IBTK: variants seen among roughly 807,000 people sequenced by gnomAD.
The protein encoded by IBTK is inhibitor of Bruton tyrosine kinase, also known as BTK-binding protein.
Under a neutral mutation model 154.9 loss-of-function variants are expected in IBTK, and 83 were observed. That is an observed-to-expected ratio of 0.54 (90% CI 0.45 to 0.64). The LOEUF is 0.64. Among genes scored for constraint, IBTK ranks in the 30% least tolerant of loss-of-function variants. IBTK has a pLI of 0.00. For synonymous variants in IBTK, 515 were observed against 536.1 expected (o/e 0.96, Z 0.54); for missense variants, 1,332 against 1,584.6 (o/e 0.84, Z 2.71).
At chr6:82,213,424 T>C (rs560850371) in intron 12 of IBTK, among the ~76,000 whole-genome samples, 1 of 152,182 alleles carries the variant, frequency 6.6e-6, no homozygotes, top group East Asian at 1.9e-4. Flanking sequence ...ATAAATACCT[T>C]AAAAAAAGAA....
rs545917887 is a variant in IBTK at position 82,177,210 on chromosome 6, T to C, written c.3726-3772A>G. ...ATTTCTTTTTGTTTTGTTGTTGTTG[T>C]TGTTGTTGTTGTTTTTGGAGACAGA... is the stretch of plus-strand genomic sequence containing the variant. On this transcript the variant is annotated intron_variant, in intron 26 of 28. Transcript: ENST00000306270. Among the ~76,000 whole-genome samples, 5 of 152,004 alleles carry C rather than the reference T, an allele frequency of 3.3e-5. No homozygotes were observed. The South Asian group carries it at 1.0e-3, about 32-fold the overall frequency.
intron 1 of IBTK, among the ~76,000 whole-genome samples, chr6:82,245,065 T>A (rs1771094460): frequency 6.6e-6 from 1 of 152,178 alleles, no homozygotes. Flanking sequence ...AAACTTATGA[T>A]CTATTACACA....
intron 12 of IBTK, among the ~76,000 whole-genome samples, chr6:82,213,208 T>A (rs1456089749): frequency 6.6e-6 from 1 of 152,102 alleles, no homozygotes; most frequent in Non-Finnish European, 1.5e-5. Flanking sequence ...TTGTAATTTT[T>A]TGTAGAGACA....
intron 25 of IBTK, among the ~76,000 whole-genome samples, chr6:82,190,321 T>G (rs1458413585): frequency 6.6e-6 from 1 of 151,504 alleles, no homozygotes; most frequent in African/African-American, 2.4e-5. Context: ...AAACCATGGG[T>G]AGCTGCCAAG....
At position 82,217,996 on chromosome 6, in the gene IBTK, A is replaced by G. The variant is rs1222062718; in HGVS notation, c.1390T>C (p.Trp464Arg). The G allele has an allele frequency of 3.1e-6, 5 of 1,607,568 alleles. No individual in the cohort carries two copies. The highest frequency in any genetic ancestry group is 1.3e-5 in the African/African-American group (1 of 74,470). ...TQDGEGFRGRWFEEKRKSSEK... is the reference protein window; with the variant it reads ...TQDGEGFRGRRFEEKRKSSEK... ...GAACTCTTTCTTTTCTCTTCAAACC[A>G]TCTCCCTCTAAATCCTTCTCCATCT... Residue 464 changes from tryptophan to arginine, a missense_variant, in exon 10 of 29, where the codon TGG becomes CGG. Transcript: ENST00000306270.
chr6:82,194,416 A>T (rs1768902337), intron 23 of IBTK, 63 bp downstream of exon 23: 1 of 1,071,910 alleles, frequency 9.3e-7, no homozygotes, highest in South Asian at 3.0e-5. Context: ...AAAAAATTAA[A>T]TTGCATTAAA....
At chr6:82,243,452 C>A (rs1200575175) in intron 1 of IBTK, among the ~76,000 whole-genome samples, 1 of 152,164 alleles carries the variant, frequency 6.6e-6, no homozygotes, top group Non-Finnish European at 1.5e-5. Context: ...GCATACTATT[C>A]TGAGCAGTAT....
At chr6:82,245,827 T>C (rs774167268) in intron 1 of IBTK, among the ~76,000 whole-genome samples, 2 of 151,584 alleles carry the variant, frequency 1.3e-5, no homozygotes, top group Admixed American at 6.6e-5. Context: ...TGACAAGATG[T>C]GGTGGTAATT....
At position 82,240,366 on chromosome 6, in the gene IBTK, A is replaced by C; in HGVS notation, c.121T>G (p.Cys41Gly). The stretch of plus-strand genomic sequence containing the variant: ...TCCTTGATAGTTGCAGCATTGTAAC[A>C]ATGACTGGAGAGAAAGGCCTTAATC... ...NQIKAFLSSH[C>G]YNAATIKDVF... Residue 41 changes from cysteine to glycine, a missense_variant, in exon 2 of 29, where the codon TGT becomes GGT. Cys to Gly is a radical substitution (Grantham distance 159, BLOSUM62 -3). Coordinates refer to ENST00000306270, the MANE Select transcript of IBTK (RefSeq NM_015525.4). The C allele has an allele frequency of 1.9e-6, 3 of 1,614,194 alleles. No homozygotes were observed. The highest frequency in any genetic ancestry group is 2.5e-6 in the Non-Finnish European group (3 of 1,180,026).
chr6:82,242,964 G>A (rs187430111), intron 1 of IBTK, among the ~76,000 whole-genome samples: 7 of 151,438 alleles, frequency 4.6e-5, no homozygotes, highest in South Asian at 2.1e-4. Flanking sequence ...AACAAAAGAC[G>A]GGCACGGTGG....
At position 82,210,774 on chromosome 6, in the gene IBTK, A is replaced by G. The variant is rs1407558169; in HGVS notation, c.2509+40T>C. On this transcript the variant is annotated intron_variant, in intron 16 of 28. Transcript: ENST00000306270. ...ACGTTGATTTTACCATTATTCCATT[A>G]TATGTGAAGTATCTACAATGTCCTA... is the stretch of plus-strand genomic sequence containing the variant. 4 of 815,538 alleles carry G rather than the reference A, an allele frequency of 4.9e-6. No homozygotes were observed. In the South Asian group the frequency reaches 7.7e-5, roughly 16 times the overall value. The allele number at this position is 815,538 out of a possible 1,614,324, so 50.5% of individuals were successfully genotyped here. A position where few individuals can be genotyped will look rare whatever the true frequency, so the allele number is the denominator to read the frequency against.
chr6:82,244,396 C>G (rs934243641), intron 1 of IBTK, among the ~76,000 whole-genome samples: 2 of 152,168 alleles, frequency 1.3e-5, no homozygotes, highest in African/African-American at 4.8e-5. Flanking sequence ...GCTTTTATGT[C>G]TTTAAAACCT....
chr6:82,192,676 G>A (rs1444957149), intron 23 of IBTK, among the ~76,000 whole-genome samples: 1 of 151,290 alleles, frequency 6.6e-6, no homozygotes, highest in Non-Finnish European at 1.5e-5. Context: ...GAACCTGGGA[G>A]GCAGAGGTTG....
intron 18 of IBTK, 49 bp downstream of exon 18, chr6:82,202,479 A>G (rs1199095775): frequency 2.1e-6 from 2 of 958,214 alleles, no homozygotes; most frequent in East Asian, 2.4e-5. Flanking sequence ...GCTATTATAT[A>G]TAAATATCTC....
intron 6 of IBTK, among the ~76,000 whole-genome samples, chr6:82,224,988 T>TA (rs1181311401): frequency 6.6e-6 from 1 of 152,062 alleles, no homozygotes; most frequent in Non-Finnish European, 1.5e-5. Flanking sequence ...GTACTATGCT[T>TA]AATTTCTCCT....
intron 16 of IBTK, among the ~76,000 whole-genome samples, chr6:82,207,952 G>A (rs1193488307): frequency 1.3e-5 from 2 of 151,962 alleles, no homozygotes; most frequent in Non-Finnish European, 2.9e-5. Context: ...GTTACTAGAG[G>A]TCAGGGGATT....
chr6:82,194,211 G>T (rs767025153), intron 23 of IBTK, among the ~76,000 whole-genome samples: 1 of 151,930 alleles, frequency 6.6e-6, no homozygotes, highest in Non-Finnish European at 1.5e-5. Flanking sequence ...AATAACTACT[G>T]ATACTAAGTT....
intron 1 of IBTK, among the ~76,000 whole-genome samples, chr6:82,241,448 C>A (rs1017913378): frequency 3.4e-4 from 52 of 152,182 alleles, no homozygotes; most frequent in African/African-American, 1.2e-3. Flanking sequence ...AAAAGTCCTT[C>A]ATCACATGAA....
At chr6:82,201,540 G>A in intron 18 of IBTK, 58 bp from the exon 19 acceptor site, 1 of 1,209,730 alleles carries the variant, frequency 8.3e-7, no homozygotes, top group Middle Eastern at 2.0e-4. Context: ...TAACTGTCAA[G>A]TTGCTTACAT....
Sources: gnomAD v4.1 joint callset for allele counts (sites outside exome capture counted in the v4.1 genomes callset) on GRCh38, gnomAD v4.1.1 for gene constraint, MANE v1.5 for transcripts, NCBI Gene and HGNC (gene_info 2026-07-23, HGNC 2026-07-21) for gene names.